Variants in RNF214 observed in about 807,000 individuals in gnomAD.
The protein encoded by RNF214 is ring finger protein 214.
RNF214 carries 25 observed loss-of-function variants against 75.9 expected under a neutral mutation model. The ratio of observed to expected loss-of-function variants is 0.33; its 90% CI spans 0.24 to 0.46. RNF214 has a LOEUF of 0.46. RNF214 is among the 20% of genes least tolerant of loss of function. The pLI is 1.00. For synonymous variants in RNF214, 314 were observed against 308.8 expected (o/e 1.02, Z -0.18); for missense variants, 725 against 857.5 (o/e 0.85, Z 1.93).
In RNF214 at chr11:117,233,001, G is replaced by A. The variant is rs553233563; in HGVS notation, c.-7+275G>A. ...CAGTCCCCTGTGGGGGGTGGCCAAG[G>A]CCACCCAGCGCCGCTTCCCCCCATT... is the stretch of plus-strand genomic sequence containing the variant. On this transcript the variant is annotated intron_variant, in intron 1 of 14. Coordinates refer to ENST00000300650, the MANE Select transcript of RNF214 (RefSeq NM_207343.4). 4.7e-4 allele frequency among the ~76,000 whole-genome samples: 72 copies of A among 152,092 alleles called. 1 individual carries two copies. The Middle Eastern group carries it at 0.01, about 22-fold the overall frequency.
chr11:117,241,721 A>G (rs2033084963), intron 4 of RNF214, among the ~76,000 whole-genome samples: 1 of 152,176 alleles, frequency 6.6e-6, no homozygotes. Context: ...CCCAAGTTCA[A>G]ACCTTTCCAG....
intron 2 of RNF214, among the ~76,000 whole-genome samples, chr11:117,236,761 A>C (rs567717882): frequency 6.6e-6 from 1 of 152,250 alleles, no homozygotes; most frequent in Admixed American, 6.5e-5. Flanking sequence ...TTTCCAAGCT[A>C]TGTTGGAGTC....
At chr11:117,240,985 C>T (rs1259087728) in intron 4 of RNF214, among the ~76,000 whole-genome samples, 1 of 151,434 alleles carries the variant, frequency 6.6e-6, no homozygotes, top group Non-Finnish European at 1.5e-5. Flanking sequence ...TCGAGACCAG[C>T]CTGGGCAACA....
chr11:117,246,253 T>C (rs2033222590), intron 5 of RNF214, among the ~76,000 whole-genome samples: 1 of 151,968 alleles, frequency 6.6e-6, no homozygotes, highest in Non-Finnish European at 1.5e-5. Context: ...CATGAGCTAC[T>C]GTGCCTGGCC....
chr11:117,254,733 C>G (rs541707752), intron 6 of RNF214, among the ~76,000 whole-genome samples: 2 of 152,112 alleles, frequency 1.3e-5, no homozygotes, highest in Non-Finnish European at 2.9e-5. Context: ...AAGTGATTCT[C>G]CTGCCTCAGC....
intron 6 of RNF214, among the ~76,000 whole-genome samples, chr11:117,279,584 A>C (rs1442390743): frequency 6.6e-6 from 1 of 152,088 alleles, no homozygotes; most frequent in African/African-American, 2.4e-5. Context: ...TGATCTGCCC[A>C]TCTTGGACTT....
rs151073058 is a variant in RNF214 at position 117,254,959 on chromosome 11, G to T, written c.959+8011G>T. On this transcript the variant is annotated intron_variant, in intron 6 of 14. Coordinates refer to ENST00000300650, the MANE Select transcript of RNF214 (RefSeq NM_207343.4). ...CATTCTTACACCTGGGCTGCTGAGTGCTGCTGGAGAAAATCACACAACTGT... is the reference window on the plus strand; with the variant it reads ...CATTCTTACACCTGGGCTGCTGAGTTCTGCTGGAGAAAATCACACAACTGT... 1.3e-3 allele frequency among the ~76,000 whole-genome samples: 204 copies of T among 152,194 alleles called. 1 individual carries two copies. The highest frequency in any genetic ancestry group is 4.7e-3 in the African/African-American group (197 of 41,520).
At chr11:117,252,022 C>A (rs1162384815) in intron 6 of RNF214, among the ~76,000 whole-genome samples, 1 of 152,132 alleles carries the variant, frequency 6.6e-6, no homozygotes, top group African/African-American at 2.4e-5. Flanking sequence ...GCCTGTGCCA[C>A]CACGCCCGAC....
chr11:117,258,228 C>A (rs1161083581), intron 6 of RNF214, among the ~76,000 whole-genome samples: 1 of 151,976 alleles, frequency 6.6e-6, no homozygotes. Context: ...GCCACCACAC[C>A]CAGCTGATTT....
At position 117,238,807 on chromosome 11, in the gene RNF214, C is replaced by T. The variant is rs1317615093; in HGVS notation, c.314C>T (p.Ser105Phe). The T allele has an allele frequency of 1.2e-6, 2 of 1,614,036 alleles. No individual in the cohort carries two copies. The highest frequency in any genetic ancestry group is 2.7e-5 in the African/African-American group (2 of 74,892). ...GCCCTTTGTCTTTCTGGCAGTGGGTCTCAGTCTGATTTGAAGGATGTGGCC... is the reference window on the plus strand; with the variant it reads ...GCCCTTTGTCTTTCTGGCAGTGGGTTTCAGTCTGATTTGAAGGATGTGGCC... ...ATALCLSGSG[S>F]QSDLKDVAST... Residue 105 changes from serine to phenylalanine, a missense_variant, in exon 3 of 15, where the codon TCT becomes TTT. Coordinates refer to ENST00000300650, the MANE Select transcript of RNF214 (RefSeq NM_207343.4).
At chr11:117,233,831 T>A (rs956717311) in intron 1 of RNF214, among the ~76,000 whole-genome samples, 7 of 152,162 alleles carry the variant, frequency 4.6e-5, no homozygotes, top group Non-Finnish European at 8.8e-5. Context: ...CTTAAATTAA[T>A]GGAGAATGCT....
In RNF214 at chr11:117,279,889, T is replaced by C. The variant is rs181329283; in HGVS notation, c.960-19T>C. The C allele has an allele frequency of 6.5e-5, 102 of 1,577,006 alleles. No individual in the cohort carries two copies. The African/African-American group carries it at 1.0e-3, about 16-fold the overall frequency. ...TTATCTTTCTTCCTTAGTCTTGTTC[T>C]TGGTTTCTTATCTTACAGAGAGGTG... On this transcript the variant is annotated intron_variant, in intron 6 of 14. Transcript: ENST00000300650.
At chr11:117,271,852 G>A (rs1397037235) in intron 6 of RNF214, among the ~76,000 whole-genome samples, 1 of 152,076 alleles carries the variant, frequency 6.6e-6, no homozygotes, top group African/African-American at 2.4e-5. Context: ...ACAGGGTCTC[G>A]CTGCATCATA....
At chr11:117,267,509 G>A (rs1210651619) in intron 6 of RNF214, among the ~76,000 whole-genome samples, 1 of 151,650 alleles carries the variant, frequency 6.6e-6, no homozygotes, top group East Asian at 1.9e-4. Context: ...CTGAGGAGTT[G>A]GAGACCAGTT....
At chr11:117,244,335 T>C in intron 4 of RNF214, 110 bp from the exon 5 acceptor site, 6 of 805,068 alleles carry the variant, frequency 7.5e-6, no homozygotes, top group Non-Finnish European at 8.0e-6. Flanking sequence ...AGTAGCTTCA[T>C]TATTGGATAG....
intron 6 of RNF214, among the ~76,000 whole-genome samples, chr11:117,274,021 G>C (rs1395063370): frequency 6.6e-6 from 1 of 152,120 alleles, no homozygotes; most frequent in Admixed American, 6.5e-5. Flanking sequence ...ATGTGATTCT[G>C]AGGCAGCAGG....
intron 1 of RNF214, among the ~76,000 whole-genome samples, chr11:117,233,432 A>G (rs582179): frequency 0.29 from 43,863 of 152,030 alleles, 7,008 homozygotes; most frequent in East Asian, 0.63. Context: ...CCGGGGGGGA[A>G]TACGTGTGAT....
At chr11:117,259,757 TGG>T (rs1210869855) in intron 6 of RNF214, among the ~76,000 whole-genome samples, 1 of 152,212 alleles carries the variant, frequency 6.6e-6, no homozygotes, top group Non-Finnish European at 1.5e-5. Context: ...TTCCTTTTCT[TGG>T]GGGGTTGAGT....
In RNF214 at chr11:117,264,107, G is replaced by A. The variant is rs569434749; in HGVS notation, c.960-15801G>A. ...GGAGGCCGAGGCGGGCGGATCACGC[G>A]GTCAGGAGATCGAGACCATCCTGGC... is the stretch of plus-strand genomic sequence containing the variant. On this transcript the variant is annotated intron_variant, in intron 6 of 14. Coordinates refer to ENST00000300650, the MANE Select transcript of RNF214 (RefSeq NM_207343.4). Among the ~76,000 whole-genome samples, 50 of 152,254 alleles carry A rather than the reference G, an allele frequency of 3.3e-4. No individual in the cohort carries two copies. In the East Asian group the frequency reaches 3.9e-3, roughly 12 times the overall value.
Sources: allele counts gnomAD v4.1 joint callset (sites outside exome capture counted in the v4.1 genomes callset), GRCh38; gene constraint gnomAD v4.1.1; transcripts MANE v1.5; gene names NCBI Gene and HGNC (gene_info 2026-07-23, HGNC 2026-07-21).